Variants in SEMA3F observed in about 807,000 individuals in gnomAD.
SEMA3F encodes semaphorin-3F.
Under a neutral mutation model 98.5 loss-of-function variants are expected in SEMA3F, and 30 were observed. That is an observed-to-expected ratio of 0.30 (90% CI 0.23 to 0.41). The LOEUF is 0.41. Ranked by LOEUF, SEMA3F falls within the 10% of genes least tolerant of loss-of-function variation. The pLI is 1.00. For missense variants in SEMA3F, 866 were observed against 1,119.3 expected (o/e 0.77, Z 3.23); for synonymous variants, 380 against 444.8 (o/e 0.85, Z 1.83).
chr3:50,182,216 G>A lies in SEMA3F; in HGVS notation c.644-68G>A. 6.2e-7 allele frequency: 1 copy of A among 1,609,376 alleles called. No homozygotes were observed. ...GGGGAGATAAGGCCCTGCCCTGGAA[G>A]TCATCTGAGCTGTGCCCTGGCCCTA... On this transcript the variant is annotated intron_variant, in intron 7 of 18. Coordinates refer to ENST00000002829, the MANE Select transcript of SEMA3F (RefSeq NM_004186.5). This position sits in a 1 kb window ranked among gnomAD's most constrained non-coding sequence, Gnocchi z 4.5.
At position 50,188,172 on chromosome 3, in the gene SEMA3F, AAGATATAT is replaced by A; in HGVS notation, c.*59_*66del. Reference sequence around the variant, plus strand: ...CTAGCCCTTGTCCCTTTTAATATAAAAGATATATATATATATATATATATATAAAATAT... The same window carrying A: ...CTAGCCCTTGTCCCTTTTAATATAAAATATATATATATATATATAAAATAT... On this transcript the variant is annotated 3_prime_UTR_variant, in exon 19 of 19. Transcript: ENST00000002829. The surrounding 1 kb of genome is among the most constrained non-coding windows in gnomAD (Gnocchi z 4.5). 1 of 416,098 alleles carries A rather than the reference AAGATATAT, an allele frequency of 2.4e-6. No homozygotes were observed. Among genetic ancestry groups the A allele is most frequent in the Non-Finnish European group, 3.5e-6 (1 of 283,766 alleles). 25.8% of individuals were successfully genotyped at this position (416,098 alleles called of 1,614,324 possible).
At chr3:50,175,558 C>G (rs900316332) in intron 6 of SEMA3F, among the ~76,000 whole-genome samples, 3 of 152,358 alleles carry the variant, frequency 2.0e-5, no homozygotes, top group East Asian at 3.9e-4. Context: ...TGAGTGCAGT[C>G]TGACACCTTA....
At chr3:50,178,473 G>A (rs1698897768) in intron 7 of SEMA3F, among the ~76,000 whole-genome samples, 1 of 151,354 alleles carries the variant, frequency 6.6e-6, no homozygotes, top group East Asian at 2.0e-4. Flanking sequence ...GTAATCCTAG[G>A]ACTTTGGGAG....
intron 2 of SEMA3F, among the ~76,000 whole-genome samples, chr3:50,168,911 C>T (rs1698504748): frequency 6.6e-6 from 1 of 152,176 alleles, no homozygotes; most frequent in African/African-American, 2.4e-5. Flanking sequence ...TCCCCTTGTC[C>T]CCCAGTCCCA....
chr3:50,174,675 G>A (rs933628148), intron 5 of SEMA3F, among the ~76,000 whole-genome samples: 4 of 152,236 alleles, frequency 2.6e-5, no homozygotes, highest in East Asian at 1.9e-4. Flanking sequence ...CCCGACGGCC[G>A]AGCCAGAGGG....
chr3:50,186,073 T>C (rs1699199474), intron 16 of SEMA3F, 27 bp downstream of exon 16: 1 of 1,586,158 alleles, frequency 6.3e-7, no homozygotes, highest in Non-Finnish European at 8.6e-7. Flanking sequence ...ACCTAGAATT[T>C]TAGCAACCAG....
chr3:50,181,466 C>T (rs1015399838), intron 7 of SEMA3F, among the ~76,000 whole-genome samples: 3 of 151,786 alleles, frequency 2.0e-5, no homozygotes, highest in Non-Finnish European at 2.9e-5. Context: ...GGACTACATG[C>T]GTGCACCACC....
chr3:50,179,328 C>CT lies in SEMA3F; in HGVS notation c.643+2482dup, dbSNP rs112950022. On this transcript the variant is annotated intron_variant, in intron 7 of 18. Transcript: ENST00000002829. ...CCACGAGAAGGCTGTTTCTTTCTTTCTTTTTTTTTTTTTTTGAGATGGAGT... is the reference window on the plus strand; with the variant it reads ...CCACGAGAAGGCTGTTTCTTTCTTTCTTTTTTTTTTTTTTTTGAGATGGAGT... 6.5e-3 allele frequency among the ~76,000 whole-genome samples: 899 copies of CT among 137,554 alleles called. 3 individuals are homozygous for CT. The highest frequency in any genetic ancestry group is 0.014 in the East Asian group (64 of 4,628). 90.2% of individuals were successfully genotyped at this position (137,554 alleles called of 152,430 possible). A position where few individuals can be genotyped will look rare whatever the true frequency, so the allele number is the denominator to read the frequency against.
intron 2 of SEMA3F, among the ~76,000 whole-genome samples, chr3:50,169,287 A>G (rs1698516057): frequency 6.6e-6 from 1 of 152,118 alleles, no homozygotes; most frequent in Non-Finnish European, 1.5e-5. Flanking sequence ...GCTGCTTCCC[A>G]GATATGAGGG....
At chr3:50,155,247 G>A (rs1050722961), upstream of SEMA3F, 8 of 333,702 alleles carry the variant, frequency 2.4e-5, no homozygotes, top group Admixed American at 9.8e-5. This position sits in a 1 kb window ranked among gnomAD's most constrained non-coding sequence, Gnocchi z 4.9. Flanking sequence ...GCCACCGCCC[G>A]CGCCCCGCGC....
chr3:50,167,556 C>T (rs1698447013), intron 2 of SEMA3F, among the ~76,000 whole-genome samples: 1 of 151,620 alleles, frequency 6.6e-6, no homozygotes, highest in South Asian at 2.1e-4. Flanking sequence ...GCCCCAGCCC[C>T]CTGCCCCCTG....
At chr3:50,186,255 C>A (rs780669482) in intron 16 of SEMA3F, 26 bp from the exon 17 acceptor site, 1 of 1,610,062 alleles carries the variant, frequency 6.2e-7, no homozygotes, top group Non-Finnish European at 8.5e-7. Flanking sequence ...CCTGGGAGCA[C>A]TCCTTCAGGG....
intron 2 of SEMA3F, chr3:50,173,505 G>A (rs1698689609): frequency 2.5e-6 from 1 of 398,512 alleles, no homozygotes; most frequent in East Asian, 4.6e-5. Context: ...AGCTGGGTGT[G>A]GTGGCTGACG....
chr3:50,178,519 G>A (rs1040135456), intron 7 of SEMA3F, among the ~76,000 whole-genome samples: 2 of 151,824 alleles, frequency 1.3e-5, no homozygotes, highest in Admixed American at 6.6e-5. Flanking sequence ...TCAGGAGTTC[G>A]AGACCAGGCT....
Position 50,182,786 on chromosome 3 carries a change from A to G in SEMA3F, c.903+3A>G. ...CCCGCATCGGGCGCATTTGCCTGGT[A>G]TGCATTGGCAGAGCCACCAGGCTGC... is the stretch of plus-strand genomic sequence containing the variant. On this transcript the variant is annotated splice_donor_region_variant and intron_variant, in intron 9 of 18. Transcript: ENST00000002829. This position sits in a 1 kb window ranked among gnomAD's most constrained non-coding sequence, Gnocchi z 4.5. 2 of 1,612,362 alleles carry G rather than the reference A, an allele frequency of 1.2e-6. No homozygotes were observed. Among genetic ancestry groups the G allele is most frequent in the Non-Finnish European group, 1.7e-6 (2 of 1,179,624 alleles).
At chr3:50,179,119 A>T (rs1467801200) in intron 7 of SEMA3F, among the ~76,000 whole-genome samples, 1 of 151,592 alleles carries the variant, frequency 6.6e-6, no homozygotes, top group Non-Finnish European at 1.5e-5. Context: ...CACCACGCCC[A>T]CCCCTATTTC....
At chr3:50,177,742 C>A (rs974686037) in intron 7 of SEMA3F, among the ~76,000 whole-genome samples, 1 of 152,144 alleles carries the variant, frequency 6.6e-6, no homozygotes, top group African/African-American at 2.4e-5. Context: ...AAAGTTAAGG[C>A]CAGGCTCAGT....
chr3:50,181,585 G>A (rs576624156), intron 7 of SEMA3F, among the ~76,000 whole-genome samples: 1 of 151,304 alleles, frequency 6.6e-6, no homozygotes, highest in East Asian at 1.9e-4. Flanking sequence ...GCCTCCCAAA[G>A]TGCTGGGATT....
At chr3:50,170,079 G>C (rs562445795) in intron 2 of SEMA3F, among the ~76,000 whole-genome samples, 3 of 152,284 alleles carry the variant, frequency 2.0e-5, no homozygotes, top group Non-Finnish European at 2.9e-5. Context: ...CTGCAGCTGG[G>C]GGTGCAGGGC....
Sources: gnomAD v4.1 joint callset for allele counts (sites outside exome capture counted in the v4.1 genomes callset) on GRCh38, gnomAD v4.1.1 for gene constraint, Gnocchi (gnomAD v3.1) non-coding constraint, MANE v1.5 for transcripts, NCBI Gene and HGNC (gene_info 2026-07-23, HGNC 2026-07-21) for gene names.